Variants in KIAA1328 observed in about 807,000 individuals in gnomAD.
The protein encoded by KIAA1328 is protein hinderin.
In KIAA1328, 52 loss-of-function variants were observed where a neutral mutation model predicts 68.1. The observed-to-expected ratio is 0.76, with a 90% CI of 0.61 to 0.96. The LOEUF (loss-of-function observed/expected upper bound fraction) is 0.96. Among genes scored for constraint, KIAA1328 ranks in the 40% least tolerant of loss-of-function variants. The pLI, the probability that KIAA1328 is intolerant of heterozygous loss-of-function variation, is 0.00. For missense variants in KIAA1328, 641 were observed against 677.6 expected (o/e 0.95, Z 0.60); for synonymous variants, 232 against 239.4 (o/e 0.97, Z 0.28).
At chr18:37,135,588 C>A (rs1387674518) in intron 7 of KIAA1328, among the ~76,000 whole-genome samples, 1 of 152,030 alleles carries the variant, frequency 6.6e-6, no homozygotes, top group Non-Finnish European at 1.5e-5. Flanking sequence ...GAATATTAGA[C>A]CTTTGTCAGA....
intron 7 of KIAA1328, among the ~76,000 whole-genome samples, chr18:37,110,956 A>G (rs924645290): frequency 6.6e-6 from 1 of 152,182 alleles, no homozygotes; most frequent in Non-Finnish European, 1.5e-5. Context: ...TGATTTCTGC[A>G]TTACTTTTGC....
intron 6 of KIAA1328, chr18:37,063,636 A>G: frequency 1.0e-6 from 1 of 985,400 alleles, no homozygotes. Context: ...CCAAGCAGGT[A>G]ATTGACAGAG....
chr18:36,953,502 G>A (rs1428163262), intron 5 of KIAA1328, among the ~76,000 whole-genome samples: 5 of 150,638 alleles, frequency 3.3e-5, no homozygotes, highest in Non-Finnish European at 5.9e-5. Flanking sequence ...TATATAAATT[G>A]TAAATTTACT....
chr18:36,839,171 T>C (rs1462091356), intron 3 of KIAA1328, among the ~76,000 whole-genome samples: 1 of 152,226 alleles, frequency 6.6e-6, no homozygotes, highest in Admixed American at 6.5e-5. Context: ...CCTCTCTTTC[T>C]AGTGACCTTA....
intron 6 of KIAA1328, among the ~76,000 whole-genome samples, chr18:36,985,890 A>G (rs2052901967): frequency 6.6e-6 from 1 of 152,202 alleles, no homozygotes; most frequent in Non-Finnish European, 1.5e-5. Context: ...AGTTATTAGG[A>G]AAATGAATAT....
chr18:37,096,367 G>A (rs891283696), intron 7 of KIAA1328, among the ~76,000 whole-genome samples: 9 of 152,040 alleles, frequency 5.9e-5, no homozygotes, highest in Non-Finnish European at 1.2e-4. Context: ...TGAGAATGAT[G>A]GTTTCCAGCT....
chr18:37,212,899 T>C (rs2060344652), intron 9 of KIAA1328, among the ~76,000 whole-genome samples: 1 of 152,026 alleles, frequency 6.6e-6, no homozygotes, highest in Non-Finnish European at 1.5e-5. Context: ...TGTATTTTTG[T>C]AGAGATGGGG....
chr18:36,978,653 A>G (rs2052565390), intron 6 of KIAA1328, among the ~76,000 whole-genome samples: 1 of 152,190 alleles, frequency 6.6e-6, no homozygotes, highest in Non-Finnish European at 1.5e-5. Context: ...ATAGAAATAT[A>G]GTATACTGTA....
intron 9 of KIAA1328, chr18:37,193,483 A>T: frequency 1.6e-6 from 1 of 643,346 alleles, no homozygotes; most frequent in Non-Finnish European, 2.8e-6. Flanking sequence ...TTAAGAAAAA[A>T]CTTTGAGACT....
chr18:37,059,414 T>C (rs560487621), intron 6 of KIAA1328, among the ~76,000 whole-genome samples: 1 of 152,310 alleles, frequency 6.6e-6, no homozygotes, highest in South Asian at 2.1e-4. Context: ...AAGACATTTA[T>C]GTGACCAACA....
At chr18:36,916,674 T>C (rs2049714245) in intron 5 of KIAA1328, among the ~76,000 whole-genome samples, 2 of 152,190 alleles carry the variant, frequency 1.3e-5, no homozygotes, top group South Asian at 2.1e-4. Flanking sequence ...GCTATTATCA[T>C]CTCCATCGTA....
At chr18:37,193,154 T>C (rs761445358) in intron 9 of KIAA1328, among the ~76,000 whole-genome samples, 4 of 152,088 alleles carry the variant, frequency 2.6e-5, no homozygotes, top group Admixed American at 6.5e-5. Flanking sequence ...AGAGTAACTT[T>C]TGGAAAGTTA....
chr18:36,932,829 G>A (rs2050361089), intron 5 of KIAA1328, among the ~76,000 whole-genome samples: 1 of 152,178 alleles, frequency 6.6e-6, no homozygotes, highest in Admixed American at 6.5e-5. Flanking sequence ...ATAGGCATCA[G>A]TACCTAATCT....
intron 5 of KIAA1328, among the ~76,000 whole-genome samples, chr18:36,948,580 C>T (rs930267656): frequency 5.8e-5 from 8 of 137,924 alleles, no homozygotes; most frequent in African/African-American, 1.9e-4. Flanking sequence ...GAGACAGTCT[C>T]ACTCTGTTGC....
chr18:37,121,941 T>G (rs2058283191), intron 7 of KIAA1328, among the ~76,000 whole-genome samples: 1 of 152,070 alleles, frequency 6.6e-6, no homozygotes, highest in Admixed American at 6.6e-5. Flanking sequence ...CAAGAGAGAT[T>G]ATTACAGAAA....
chr18:37,049,393 G>A (rs2055603519), intron 6 of KIAA1328, among the ~76,000 whole-genome samples: 1 of 152,118 alleles, frequency 6.6e-6, no homozygotes, highest in South Asian at 2.1e-4. Context: ...GGGCATTTGA[G>A]CACTAGGAAA....
chr18:36,925,798 C>T (rs887590312), intron 5 of KIAA1328, among the ~76,000 whole-genome samples: 16 of 151,832 alleles, frequency 1.1e-4, no homozygotes, highest in African/African-American at 2.7e-4. Flanking sequence ...CTCAGCCTCC[C>T]GAAGTGCTTG....
At chr18:37,032,712 G>T (rs528802580) in intron 6 of KIAA1328, among the ~76,000 whole-genome samples, 8 of 152,134 alleles carry the variant, frequency 5.3e-5, no homozygotes, top group African/African-American at 1.9e-4. Context: ...CACGATCTTG[G>T]CTCACCGCAA....
chr18:36,982,258 T>A (rs1440449870), intron 6 of KIAA1328, among the ~76,000 whole-genome samples: 1 of 149,860 alleles, frequency 6.7e-6, no homozygotes, highest in Non-Finnish European at 1.5e-5. Context: ...TGATGAAAAC[T>A]ATAAACCCAT....
Sources: allele counts gnomAD v4.1 joint callset (sites outside exome capture counted in the v4.1 genomes callset), GRCh38; gene constraint gnomAD v4.1.1; transcripts MANE v1.5; gene names NCBI Gene and HGNC (gene_info 2026-07-23, HGNC 2026-07-21).